Variants in HSPBAP1 observed in about 807,000 individuals in gnomAD.
HSPBAP1 encodes HSPB1 associated protein 1.
Under a neutral mutation model 45.2 loss-of-function variants are expected in HSPBAP1, and 27 were observed. The ratio of observed to expected loss-of-function variants is 0.60; its 90% CI spans 0.44 to 0.82. HSPBAP1 has a LOEUF of 0.82. Among genes scored for constraint, HSPBAP1 ranks in the 40% least tolerant of loss-of-function variants. The probability of loss-of-function intolerance (pLI) is 0.00; values close to 1 mark genes in which losing one functional copy is unlikely to be tolerated. For synonymous variants in HSPBAP1, 204 were observed against 202.7 expected, an observed-to-expected ratio of 1.01 and a Z score of -0.06; for missense variants, 510 against 590.9, an observed-to-expected ratio of 0.86 and a Z score of 1.42.
chr3:122,763,701 AT>A (rs970360742), intron 3 of HSPBAP1, among the ~76,000 whole-genome samples: 3 of 152,140 alleles, frequency 2.0e-5, no homozygotes, highest in African/African-American at 7.2e-5. Flanking sequence ...TAATTACTCT[AT>A]TTTTTTCTGT....
chr3:122,783,246 C>T (rs4678214), intron 1 of HSPBAP1, among the ~76,000 whole-genome samples: 103,612 of 151,964 alleles, frequency 0.68, 36,011 homozygotes, highest in Non-Finnish European at 0.77. Flanking sequence ...ATGGTTGCTG[C>T]TTGTCGTGTT....
chr3:122,780,719 G>C (rs35729537), intron 1 of HSPBAP1, among the ~76,000 whole-genome samples: 70,984 of 135,346 alleles, frequency 0.52, 16,781 homozygotes, highest in Non-Finnish European at 0.61. Context: ...CTTCCCAGAC[G>C]GGGTGGCTGC....
At chr3:122,780,562 C>T (rs1166748153) in intron 1 of HSPBAP1, among the ~76,000 whole-genome samples, 1 of 141,082 alleles carries the variant, frequency 7.1e-6, no homozygotes, top group East Asian at 2.0e-4. Context: ...GGGGCTGAAC[C>T]CCCAACTCAC....
chr3:122,746,200 C>T (rs1430821555), intron 6 of HSPBAP1, among the ~76,000 whole-genome samples: 1 of 151,672 alleles, frequency 6.6e-6, no homozygotes, highest in Non-Finnish European at 1.5e-5. Flanking sequence ...CAAAACTGAA[C>T]TTGGATACAT....
intron 2 of HSPBAP1, among the ~76,000 whole-genome samples, chr3:122,773,992 AC>A (rs1257667879): frequency 6.6e-6 from 1 of 152,140 alleles, no homozygotes; most frequent in Non-Finnish European, 1.5e-5. Flanking sequence ...CAAAACAGGA[AC>A]CCTCACATGT....
chr3:122,766,504 G>T (rs572263666), intron 3 of HSPBAP1, among the ~76,000 whole-genome samples: 1 of 152,188 alleles, frequency 6.6e-6, no homozygotes, highest in Non-Finnish European at 1.5e-5. Flanking sequence ...TTTTATAAGG[G>T]CTCAGTCAGA....
intron 1 of HSPBAP1, among the ~76,000 whole-genome samples, chr3:122,780,955 T>C (rs1238165553): frequency 2.2e-5 from 2 of 89,236 alleles, no homozygotes; most frequent in African/African-American, 3.9e-5. Flanking sequence ...TCTCAGACGA[T>C]GGGCGGCCGG....
intron 1 of HSPBAP1, among the ~76,000 whole-genome samples, chr3:122,780,446 TAG>T (rs1935398167): frequency 1.4e-5 from 1 of 73,498 alleles, no homozygotes; most frequent in Non-Finnish European, 2.6e-5. Flanking sequence ...CACTTCCCAG[TAG>T]GGGCGGCCGG....
chr3:122,770,664 G>A (rs765056525), intron 2 of HSPBAP1, among the ~76,000 whole-genome samples: 4 of 152,058 alleles, frequency 2.6e-5, no homozygotes, highest in South Asian at 4.1e-4. Flanking sequence ...TTGTGTCACC[G>A]CACTCCAGCC....
chr3:122,777,506 A>G (rs554408385), intron 2 of HSPBAP1, among the ~76,000 whole-genome samples: 1 of 152,344 alleles, frequency 6.6e-6, no homozygotes, highest in East Asian at 1.9e-4. Flanking sequence ...GTTATAAACT[A>G]TAGACAAAAC....
intron 6 of HSPBAP1, among the ~76,000 whole-genome samples, chr3:122,743,080 A>G (rs1424881877): frequency 6.6e-6 from 1 of 152,250 alleles, no homozygotes; most frequent in Admixed American, 6.5e-5. Flanking sequence ...CATAACACAT[A>G]ACATTAGATT....
intron 4 of HSPBAP1, among the ~76,000 whole-genome samples, chr3:122,757,334 C>T (rs1478184704): frequency 6.6e-6 from 1 of 152,180 alleles, no homozygotes; most frequent in Non-Finnish European, 1.5e-5. Context: ...ATATACTGGA[C>T]AACTCAAGGG....
intron 2 of HSPBAP1, among the ~76,000 whole-genome samples, chr3:122,774,248 T>C (rs553439614): frequency 3.1e-4 from 47 of 152,326 alleles, no homozygotes; most frequent in African/African-American, 8.9e-4. Context: ...TCTGAGGTAA[T>C]TGAATAGTCA....
At chr3:122,783,975 C>T (rs1390388042) in intron 1 of HSPBAP1, among the ~76,000 whole-genome samples, 1 of 152,092 alleles carries the variant, frequency 6.6e-6, no homozygotes, top group African/African-American at 2.4e-5. Flanking sequence ...GGACTACAGG[C>T]ACACACCACC....
intron 1 of HSPBAP1, among the ~76,000 whole-genome samples, chr3:122,780,143 C>T: frequency 8.3e-6 from 1 of 120,608 alleles, no homozygotes; most frequent in African/African-American, 2.9e-5. Context: ...GGAGCTGACC[C>T]CCCCACCTCC....
chr3:122,740,988 C>A lies in HSPBAP1; in HGVS notation c.936+15G>T, dbSNP rs1450980005. 1 of 1,611,404 alleles carries A rather than the reference C, an allele frequency of 6.2e-7. No individual in the cohort carries two copies. The highest frequency in any genetic ancestry group is 1.1e-5 in the South Asian group (1 of 91,034). On this transcript the variant is annotated intron_variant, in intron 7 of 7. Coordinates refer to ENST00000306103, the MANE Select transcript of HSPBAP1 (RefSeq NM_024610.6). ...AGGAAACTAACTGCCATGATGAAGACCAGAAGCCGCCTACCTCAGTGGGGT... is the reference window on the plus strand; with the variant it reads ...AGGAAACTAACTGCCATGATGAAGAACAGAAGCCGCCTACCTCAGTGGGGT...
At chr3:122,793,281 G>T (rs534498701) in intron 1 of HSPBAP1, among the ~76,000 whole-genome samples, 2 of 152,218 alleles carry the variant, frequency 1.3e-5, no homozygotes, top group African/African-American at 4.8e-5. Flanking sequence ...AATCTCAAAG[G>T]TTGCCTTCAA....
intron 5 of HSPBAP1, 111 bp from the exon 6 acceptor site, chr3:122,752,785 C>A: frequency 7.2e-7 from 1 of 1,386,572 alleles, no homozygotes; most frequent in Non-Finnish European, 9.5e-7. Context: ...AATGAATTCA[C>A]AATAATATTG....
chr3:122,747,857 G>A (rs1418218163), intron 6 of HSPBAP1, among the ~76,000 whole-genome samples: 1 of 152,170 alleles, frequency 6.6e-6, no homozygotes, highest in African/African-American at 2.4e-5. Flanking sequence ...CCCTGTGCCC[G>A]GCCGCCACCC....
Sources: allele counts gnomAD v4.1 joint callset (sites outside exome capture counted in the v4.1 genomes callset), GRCh38; gene constraint gnomAD v4.1.1; transcripts MANE v1.5; gene names NCBI Gene and HGNC (gene_info 2026-07-23, HGNC 2026-07-21).